Variants in UMPS observed in about 807,000 individuals in gnomAD.
The protein encoded by UMPS is uridine monophosphate synthetase.
Under a neutral mutation model 38.9 loss-of-function variants are expected in UMPS, and 21 were observed. The observed-to-expected ratio is 0.54, with a 90% CI of 0.38 to 0.78. UMPS has a LOEUF of 0.78. Ranked by LOEUF, UMPS falls within the 30% of genes least tolerant of loss-of-function variation. The pLI is 0.00. For synonymous variants in UMPS, 208 were observed against 219.3 expected, an observed-to-expected ratio of 0.95 and a Z score of 0.45; for missense variants, 533 against 591.6, an observed-to-expected ratio of 0.90 and a Z score of 1.03.
Position 124,730,477 on chromosome 3 carries a change from G to A in UMPS, c.6G>A (p.Ala2=), listed in dbSNP as rs1420853359. The A allele has an allele frequency of 1.2e-6, 2 of 1,614,014 alleles. No individual in the cohort carries two copies. Among genetic ancestry groups the A allele is most frequent in the African/African-American group, 1.3e-5 (1 of 74,930 alleles). Residue 2 remains alanine, a synonymous_variant, in exon 1 of 6, where the codon GCG becomes GCA. Coordinates refer to ENST00000232607, the MANE Select transcript of UMPS (RefSeq NM_000373.4). ...CAAACAGGCAGCGCGCGACAATGGC[G>A]GTCGCTCGTGCAGCTTTGGGGCCAT... M[A]VARAALGPLV...
At position 124,742,211 on chromosome 3, in the gene UMPS, A is replaced by G; in HGVS notation, c.1218A>G (p.Val406=). The G allele has an allele frequency of 1.2e-6, 2 of 1,614,164 alleles. No individual in the cohort carries two copies. The highest frequency in any genetic ancestry group is 2.2e-5 in the East Asian group (1 of 44,886). ...FVVGFISGSR[V]SMKPEFLHLT... is the part of the protein sequence containing the mutation. ...TTGGTTTTATTTCTGGCTCCCGAGT[A>G]AGCATGAAACCAGAATTTCTTCACT... The change falls in exon 5 of 6, where the codon GTA becomes GTG. Residue 406 remains valine, a synonymous_variant. Coordinates refer to ENST00000232607, the MANE Select transcript of UMPS (RefSeq NM_000373.4).
chr3:124,730,620 T>A lies in UMPS; in HGVS notation c.149T>A (p.Leu50Gln). ...GGCATCGTGTCTCGACCGCGTCTTC[T>A]GAGTCAGGTGCTGGCCTAGGAAGGG... Reference protein sequence around the residue: ...LRGIVSRPRLLSQVADILFQT... With the variant: ...LRGIVSRPRLQSQVADILFQT... The change falls in exon 1 of 6, where the codon CTG becomes CAG. Residue 50 changes from leucine (L) to glutamine (Q), a missense_variant. Coordinates refer to ENST00000232607, the MANE Select transcript of UMPS (RefSeq NM_000373.4). The A allele has an allele frequency of 6.2e-7, 1 of 1,611,466 alleles. No homozygotes were observed. The highest frequency in any genetic ancestry group is 2.2e-5 in the East Asian group (1 of 44,796).
chr3:124,731,940 A>G (rs1356683917), intron 1 of UMPS, among the ~76,000 whole-genome samples: 1 of 150,832 alleles, frequency 6.6e-6, no homozygotes, highest in Non-Finnish European at 1.5e-5. Flanking sequence ...AACTACAGGC[A>G]TGTGCCATCA....
rs1209605175 is a variant in UMPS at position 124,732,261 on chromosome 3, G to A, written c.156+1634G>A. ...CCTCTTCCTGTTAGGTCCACACTTG[G>A]AAGGGCTGTTTGGAAAGGGGAGTTG... On this transcript the variant is annotated intron_variant, in intron 1 of 5. Coordinates refer to ENST00000232607, the MANE Select transcript of UMPS (RefSeq NM_000373.4). 2.0e-5 allele frequency among the ~76,000 whole-genome samples: 3 copies of A among 152,182 alleles called. 1 individual carries two copies. The highest frequency in any genetic ancestry group is 4.4e-5 in the Non-Finnish European group (3 of 68,038).
chr3:124,739,994 G>A (rs2063544744), intron 3 of UMPS, 30 bp from the exon 4 acceptor site: 11 of 1,612,286 alleles, frequency 6.8e-6, no homozygotes, highest in Non-Finnish European at 9.3e-6. Flanking sequence ...TTGAAAATCA[G>A]CAAATATCTT....
At position 124,749,216 on chromosome 3, in the gene UMPS, A is replaced by G; in HGVS notation, c.*5132A>G. On this transcript the variant is annotated 3_prime_UTR_variant, in exon 6 of 6. Coordinates refer to ENST00000232607, the MANE Select transcript of UMPS (RefSeq NM_000373.4). ...CAGAGATGATGTTGAGTTAAAAAAA[A>G]TATATACATAAAAATATGGGTTCTT... 1 of 453,856 alleles carries G rather than the reference A, an allele frequency of 2.2e-6. No homozygotes were observed. Among genetic ancestry groups the G allele is most frequent in the South Asian group, 1.6e-5 (1 of 64,388 alleles). The allele number at this position is 453,856 out of a possible 1,614,324, so 28.1% of individuals were successfully genotyped here.
chr3:124,730,691 A>C, intron 1 of UMPS, 64 bp downstream of exon 1: 1 of 1,576,304 alleles, frequency 6.3e-7, no homozygotes. Flanking sequence ...GAAATGGAAG[A>C]GGGTGACAGG....
In UMPS at chr3:124,745,737, G is replaced by T. The variant is rs2063591807; in HGVS notation, c.*1653G>T. The T allele has an allele frequency of 2.2e-6, 1 of 453,968 alleles. No homozygotes were observed. The highest frequency in any genetic ancestry group is 2.0e-5 in the African/African-American group (1 of 49,996). The allele number at this position is 453,968 out of a possible 1,614,324, so 28.1% of individuals were successfully genotyped here. On this transcript the variant is annotated 3_prime_UTR_variant, in exon 6 of 6. Transcript: ENST00000232607. Reference sequence around the variant, plus strand: ...AAGCCAAAAGTCATGAAGGGGAGAAGAATTTTCTGACAAAAACTTGCAGGA... The same window carrying T: ...AAGCCAAAAGTCATGAAGGGGAGAATAATTTTCTGACAAAAACTTGCAGGA...
At chr3:124,743,063 G>A (rs745489129) in intron 5 of UMPS, among the ~76,000 whole-genome samples, 1 of 152,170 alleles carries the variant, frequency 6.6e-6, no homozygotes, top group Non-Finnish European at 1.5e-5. Context: ...GCTGGGTGCG[G>A]GGGCTCACGC....
intron 3 of UMPS, among the ~76,000 whole-genome samples, chr3:124,739,152 T>C (rs2063537883): frequency 6.6e-6 from 1 of 152,218 alleles, no homozygotes; most frequent in African/African-American, 2.4e-5. Context: ...TCTTCAGCTC[T>C]GCATAGAGTT....
Position 124,748,083 on chromosome 3 carries a change from GTTATATATA to G in UMPS, c.*4003_*4011del, listed in dbSNP as rs1273099220. ...TATTTTTAAAATATATATTTTAACA[GTTATATATA>G]TTAGATATAATATATAATAGTATAT... On this transcript the variant is annotated 3_prime_UTR_variant, in exon 6 of 6. Coordinates refer to ENST00000232607, the MANE Select transcript of UMPS (RefSeq NM_000373.4). 2.9e-6 allele frequency: 1 copy of G among 340,468 alleles called. No homozygotes were observed. Among genetic ancestry groups the G allele is most frequent in the South Asian group, 2.6e-5 (1 of 38,366 alleles). 21.1% of individuals were successfully genotyped at this position (340,468 alleles called of 1,614,324 possible). A position where few individuals can be genotyped will look rare whatever the true frequency, so the allele number is the denominator to read the frequency against.
chr3:124,739,430 C>G (rs909658184), intron 3 of UMPS, among the ~76,000 whole-genome samples: 1 of 152,144 alleles, frequency 6.6e-6, no homozygotes, highest in Admixed American at 6.5e-5. Flanking sequence ...CTCCTGGGCT[C>G]AAGTGATCCT....
intron 3 of UMPS, 42 bp from the exon 4 acceptor site, chr3:124,739,982 G>C: frequency 1.9e-6 from 3 of 1,606,572 alleles, no homozygotes; most frequent in Non-Finnish European, 2.6e-6. Flanking sequence ...TAGAGGTTTT[G>C]TTTGAAAATC....
In UMPS at chr3:124,744,956, C is replaced by G. The variant is rs925049043; in HGVS notation, c.*872C>G. 1.8e-5 allele frequency: 8 copies of G among 454,054 alleles called. No individual in the cohort carries two copies. The highest frequency in any genetic ancestry group is 1.6e-4 in the African/African-American group (8 of 50,106). 28.1% of individuals were successfully genotyped at this position (454,054 alleles called of 1,614,324 possible). A position where few individuals can be genotyped will look rare whatever the true frequency, so the allele number is the denominator to read the frequency against. ...AGGTGACTATAGCTCAGCTCCTGAG[C>G]TAGTATCTGGCTGTTATTTCAACAA... On this transcript the variant is annotated 3_prime_UTR_variant, in exon 6 of 6. Transcript: ENST00000232607.
Position 124,746,008 on chromosome 3 carries a change from A to G in UMPS, c.*1924A>G, listed in dbSNP as rs1360252988. ...TGCGTTTCCAAAAAGGTCCCAGGTG[A>G]TGCTGCGGTTGCCTGCGCAGGGACT... On this transcript the variant is annotated 3_prime_UTR_variant, in exon 6 of 6. Transcript: ENST00000232607. 1 of 454,106 alleles carries G rather than the reference A, an allele frequency of 2.2e-6. No homozygotes were observed. The highest frequency in any genetic ancestry group is 2.3e-5 in the Admixed American group (1 of 42,580). 28.1% of individuals were successfully genotyped at this position (454,106 alleles called of 1,614,324 possible).
chr3:124,732,025 C>T (rs980544297), intron 1 of UMPS, among the ~76,000 whole-genome samples: 1 of 151,932 alleles, frequency 6.6e-6, no homozygotes, highest in Non-Finnish European at 1.5e-5. Context: ...GTCTCAAACT[C>T]CTGGCCTCAA....
rs2063603810 is a variant in UMPS, at chr3:124,746,794, T to TGTGC, written c.*2711_*2714dup. ...GTGTGTGTGTGTGTGTGTGTGTGTG[T>TGTGC]GTGCATGCGCGCGCGTGCGCACTGG... On this transcript the variant is annotated 3_prime_UTR_variant, in exon 6 of 6. Coordinates refer to ENST00000232607, the MANE Select transcript of UMPS (RefSeq NM_000373.4). 1 of 420,882 alleles carries TGTGC rather than the reference T, an allele frequency of 2.4e-6. No individual in the cohort carries two copies. Among genetic ancestry groups the TGTGC allele is most frequent in the Non-Finnish European group, 4.7e-6 (1 of 212,544 alleles). The allele number at this position is 420,882 out of a possible 1,614,324, so 26.1% of individuals were successfully genotyped here. A position where few individuals can be genotyped will look rare whatever the true frequency, so the allele number is the denominator to read the frequency against.
rs764528076 is a variant in UMPS, at chr3:124,747,531, T to C, written c.*3447T>C. Reference sequence around the variant, plus strand: ...AATATGCCCTGGTTAGCCCATGGCTTCTGAAGAGCAAGAGAAAGTAGAGCA... The same window carrying C: ...AATATGCCCTGGTTAGCCCATGGCTCCTGAAGAGCAAGAGAAAGTAGAGCA... On this transcript the variant is annotated 3_prime_UTR_variant, in exon 6 of 6. Transcript: ENST00000232607. 1.5e-5 allele frequency: 7 copies of C among 454,004 alleles called. No individual in the cohort carries two copies. Among genetic ancestry groups the C allele is most frequent in the Non-Finnish European group, 4.4e-6 (1 of 226,772 alleles). The allele number at this position is 454,004 out of a possible 1,614,324, so 28.1% of individuals were successfully genotyped here. A position where few individuals can be genotyped will look rare whatever the true frequency, so the allele number is the denominator to read the frequency against.
chr3:124,737,378 T>C (rs1384711952), intron 2 of UMPS, among the ~76,000 whole-genome samples, 190 bp from the exon 3 acceptor site: 1 of 152,206 alleles, frequency 6.6e-6, no homozygotes, highest in Non-Finnish European at 1.5e-5. Context: ...AACTGGCAAG[T>C]TTGGTATACA....
Sources: gnomAD v4.1 joint callset for allele counts (sites outside exome capture counted in the v4.1 genomes callset) on GRCh38, gnomAD v4.1.1 for gene constraint, MANE v1.5 for transcripts, NCBI Gene and HGNC (gene_info 2026-07-23, HGNC 2026-07-21) for gene names.